PTPRG: variants seen among roughly 807,000 people sequenced by gnomAD.
PTPRG encodes receptor-type tyrosine-protein phosphatase gamma.
In PTPRG, 102 loss-of-function variants were observed where a neutral mutation model predicts 165.3. The observed-to-expected ratio is 0.62, with a 90% CI of 0.53 to 0.73. PTPRG has a LOEUF of 0.73. Among genes scored for constraint, PTPRG ranks in the 30% least tolerant of loss-of-function variants. The pLI is 0.00. For synonymous variants in PTPRG, 675 were observed against 669.5 expected (o/e 1.01, Z -0.13); for missense variants, 1,866 against 1,861.4 (o/e 1.00, Z -0.05).
chr3:62,001,558 G>T (rs2041172441), intron 3 of PTPRG, among the ~76,000 whole-genome samples: 1 of 151,698 alleles, frequency 6.6e-6, no homozygotes, highest in Non-Finnish European at 1.5e-5. Context: ...AAGGTATGTG[G>T]TTGGTATAAT....
At chr3:61,901,067 C>T (rs2038487421) in intron 2 of PTPRG, among the ~76,000 whole-genome samples, 1 of 152,180 alleles carries the variant, frequency 6.6e-6, no homozygotes, top group Non-Finnish European at 1.5e-5. Flanking sequence ...CTGACAAAGG[C>T]AGTGGTGCCC....
chr3:61,767,737 G>A (rs2034072819), intron 2 of PTPRG, among the ~76,000 whole-genome samples: 1 of 152,210 alleles, frequency 6.6e-6, no homozygotes, highest in Non-Finnish European at 1.5e-5. Context: ...GGGAAGCCGA[G>A]GTGGGAGGAT....
intron 8 of PTPRG, among the ~76,000 whole-genome samples, chr3:62,191,022 C>T (rs1315587108): frequency 6.6e-6 from 1 of 152,204 alleles, no homozygotes; most frequent in Non-Finnish European, 1.5e-5. Flanking sequence ...CAGAATGCTG[C>T]AGTGTTTACT....
intron 1 of PTPRG, among the ~76,000 whole-genome samples, chr3:61,598,227 T>C (rs1419665522): frequency 1.3e-5 from 2 of 152,188 alleles, no homozygotes; most frequent in Non-Finnish European, 2.9e-5. Context: ...ATAAAGCCAT[T>C]AAGCAGCTCA....
In PTPRG at chr3:61,894,301, CAAAAAAAAAAAAAAAAAAA is replaced by C. The variant is rs767479285; in HGVS notation, c.191-95309_191-95291del. 6.0e-5 allele frequency among the ~76,000 whole-genome samples: 3 copies of C among 49,850 alleles called. 1 individual carries two copies. The highest frequency in any genetic ancestry group is 1.3e-3 in the South Asian group (1 of 798). 32.7% of individuals were successfully genotyped at this position (49,850 alleles called of 152,430 possible). A position where few individuals can be genotyped will look rare whatever the true frequency, so the allele number is the denominator to read the frequency against. Reference sequence around the variant, plus strand: ...CGGGCAACAGAGCAAGACTCTGTGTCAAAAAAAAAAAAAAAAAAAAAAAAAAAAAAAAAGGTCAGCTTTT... The same window carrying C: ...CGGGCAACAGAGCAAGACTCTGTGTCAAAAAAAAAAAAAAGGTCAGCTTTT... On this transcript the variant is annotated intron_variant, in intron 2 of 29. Coordinates refer to ENST00000474889, the MANE Select transcript of PTPRG (RefSeq NM_002841.4).
chr3:62,138,714 CAA>C (rs563632840), intron 6 of PTPRG, among the ~76,000 whole-genome samples: 1,661 of 91,392 alleles, frequency 0.018, 40 homozygotes, highest in African/African-American at 0.068. Flanking sequence ...GGCAAAGCTC[CAA>C]AAAAAAAAAA....
chr3:62,074,580 G>A (rs932783987), intron 4 of PTPRG, among the ~76,000 whole-genome samples: 1 of 151,858 alleles, frequency 6.6e-6, no homozygotes, highest in Non-Finnish European at 1.5e-5. Context: ...TTCTCAACCA[G>A]TCCTCCCACT....
At chr3:61,909,625 G>GT (rs1275366442) in intron 2 of PTPRG, among the ~76,000 whole-genome samples, 1 of 151,924 alleles carries the variant, frequency 6.6e-6, no homozygotes, top group Non-Finnish European at 1.5e-5. Flanking sequence ...TGCTCAAGCA[G>GT]TTATCTTGCC....
At chr3:61,950,621 A>G (rs2039877143) in intron 2 of PTPRG, among the ~76,000 whole-genome samples, 2 of 152,074 alleles carry the variant, frequency 1.3e-5, no homozygotes, top group South Asian at 4.2e-4. Context: ...CAGTTGTGTT[A>G]GAGGCAGATT....
chr3:61,563,062 C>T (rs932956077), intron 1 of PTPRG, among the ~76,000 whole-genome samples: 3 of 151,858 alleles, frequency 2.0e-5, no homozygotes, highest in African/African-American at 2.4e-5. Flanking sequence ...CGTGTCTCCC[C>T]TAGCCCCGGC....
rs1405065094 is a variant in PTPRG at position 62,255,033 on chromosome 3, G to A, written c.2468-91G>A. ...TTATTTTGCTCTTTGCAAAAATCAA[G>A]TATTTGTCTTAAGGATGCTTTGCTT... On this transcript the variant is annotated intron_variant, in intron 15 of 29. Coordinates refer to ENST00000474889, the MANE Select transcript of PTPRG (RefSeq NM_002841.4). This position sits in a 1 kb window ranked among gnomAD's most constrained non-coding sequence, Gnocchi z 4.0. 2.8e-6 allele frequency: 3 copies of A among 1,085,520 alleles called. No homozygotes were observed. The highest frequency in any genetic ancestry group is 1.6e-5 in the African/African-American group (1 of 61,694). The allele number at this position is 1,085,520 out of a possible 1,614,324, so 67.2% of individuals were successfully genotyped here.
chr3:62,090,360 T>C (rs1701887389), intron 5 of PTPRG, among the ~76,000 whole-genome samples: 1 of 152,128 alleles, frequency 6.6e-6, no homozygotes, highest in African/African-American at 2.4e-5. Flanking sequence ...CTGAACCGAT[T>C]ATAGGGTTTA....
At chr3:61,926,590 TC>T (rs2039216902) in intron 2 of PTPRG, among the ~76,000 whole-genome samples, 1 of 47,764 alleles carries the variant, frequency 2.1e-5, no homozygotes, top group Non-Finnish European at 4.2e-5. Flanking sequence ...CTTCCCTCCC[TC>T]CCTCCCTCCC....
intron 2 of PTPRG, among the ~76,000 whole-genome samples, chr3:61,867,670 G>A (rs2037448449): frequency 1.3e-5 from 2 of 152,028 alleles, no homozygotes; most frequent in Admixed American, 6.6e-5. Flanking sequence ...TCTTCACCCT[G>A]TACCTCTTTT....
intron 6 of PTPRG, among the ~76,000 whole-genome samples, chr3:62,144,963 G>A (rs1249523690): frequency 6.6e-6 from 1 of 151,962 alleles, no homozygotes; most frequent in African/African-American, 2.4e-5. Flanking sequence ...TGGGAACCCA[G>A]GGAAATGCCG....
At chr3:61,700,716 A>G (rs1474971454) in intron 1 of PTPRG, among the ~76,000 whole-genome samples, 1 of 152,208 alleles carries the variant, frequency 6.6e-6, no homozygotes, top group Non-Finnish European at 1.5e-5. Context: ...GTTCCAGAAT[A>G]TTCACATTTT....
intron 4 of PTPRG, among the ~76,000 whole-genome samples, chr3:62,040,809 A>T (rs1383282324): frequency 1.3e-5 from 2 of 152,214 alleles, no homozygotes; most frequent in South Asian, 2.1e-4. Flanking sequence ...GGTCAGGGAC[A>T]TCGGGGCTAG....
rs989781271 is a variant in PTPRG, at chr3:62,213,655, T to C, written c.2156-5196T>C. On this transcript the variant is annotated intron_variant, in intron 12 of 29. Coordinates refer to ENST00000474889, the MANE Select transcript of PTPRG (RefSeq NM_002841.4). This position sits in a 1 kb window ranked among gnomAD's most constrained non-coding sequence, Gnocchi z 4.4. The stretch of plus-strand genomic sequence containing the variant: ...GTCTGCCTGAGTCTGGGGTGCAGAA[T>C]TGCCCATCTTGTGGCACGCTGCAGC... Among the ~76,000 whole-genome samples, 2 of 152,160 alleles carry C rather than the reference T, an allele frequency of 1.3e-5. No homozygotes were observed. Among genetic ancestry groups the C allele is most frequent in the Non-Finnish European group, 2.9e-5 (2 of 68,024 alleles).
rs1418000350 is a variant in PTPRG, at chr3:61,567,079, C to T, written c.85+4707C>T. ...TGCCCAGAAATTAGCCCTTGGTTTG[C>T]TTTGGTTCAGAGTTGACCTCTGTTA... On this transcript the variant is annotated intron_variant, in intron 1 of 29. Coordinates refer to ENST00000474889, the MANE Select transcript of PTPRG (RefSeq NM_002841.4). Among the ~76,000 whole-genome samples, 3 of 152,172 alleles carry T rather than the reference C, an allele frequency of 2.0e-5. No individual in the cohort carries two copies. The East Asian group carries it at 5.8e-4, about 29-fold the overall frequency.
Sources: allele counts gnomAD v4.1 joint callset (sites outside exome capture counted in the v4.1 genomes callset), GRCh38; gene constraint gnomAD v4.1.1; non-coding constraint Gnocchi (gnomAD v3.1); transcripts MANE v1.5; gene names NCBI Gene and HGNC (gene_info 2026-07-23, HGNC 2026-07-21).